The following KLHL32 variants were observed in gnomAD, a reference collection of about 807,000 sequenced individuals.
KLHL32 encodes kelch-like protein 32.
KLHL32 carries 35 observed loss-of-function variants against 64.8 expected under a neutral mutation model. The observed-to-expected ratio is 0.54, with a 90% CI of 0.41 to 0.72. The LOEUF is 0.72. Among genes scored for constraint, KLHL32 ranks in the 30% least tolerant of loss-of-function variants. KLHL32 has a pLI of 0.00. For synonymous variants in KLHL32, 259 were observed against 281.0 expected (o/e 0.92, Z 0.78); for missense variants, 589 against 768.5 (o/e 0.77, Z 2.76).
chr6:96,960,104 A>G (rs1417037768), intron 1 of KLHL32, among the ~76,000 whole-genome samples: 1 of 152,196 alleles, frequency 6.6e-6, no homozygotes, highest in African/African-American at 2.4e-5. Flanking sequence ...TAGGGGTAGT[A>G]AATAAGCTAG....
intron 3 of KLHL32, among the ~76,000 whole-genome samples, chr6:97,019,781 A>G (rs1467652100): frequency 6.6e-6 from 1 of 150,974 alleles, no homozygotes; most frequent in East Asian, 1.9e-4. Flanking sequence ...AAAAATTTTT[A>G]TACTATTTTC....
intron 6 of KLHL32, among the ~76,000 whole-genome samples, chr6:97,096,893 A>T (rs142465688): frequency 6.6e-6 from 1 of 152,344 alleles, no homozygotes; most frequent in African/African-American, 2.4e-5. Context: ...TCTTCTCATC[A>T]TTTAACAGCA....
intron 2 of KLHL32, among the ~76,000 whole-genome samples, chr6:96,973,782 G>A (rs1775390229): frequency 1.4e-5 from 2 of 138,540 alleles, no homozygotes; most frequent in South Asian, 4.7e-4. Context: ...GAGTGCAGTG[G>A]CATGATCTCA....
At chr6:96,985,314 T>C (rs150616274) in intron 3 of KLHL32, among the ~76,000 whole-genome samples, 10,182 of 152,274 alleles carry the variant, frequency 0.067, 350 homozygotes, top group South Asian at 0.12. Context: ...ATTTTTTCCT[T>C]CATTTCAGCT....
intron 3 of KLHL32, among the ~76,000 whole-genome samples, chr6:97,009,836 A>G (rs1309085510): frequency 2.0e-5 from 3 of 152,160 alleles, no homozygotes; most frequent in Admixed American, 1.3e-4. Flanking sequence ...TAAAAAATGT[A>G]TGTGGAGATT....
At chr6:97,041,775 T>C (rs1785156986) in intron 4 of KLHL32, among the ~76,000 whole-genome samples, 176 bp downstream of exon 4, 1 of 152,228 alleles carries the variant, frequency 6.6e-6, no homozygotes. Flanking sequence ...AGTAAAGCAA[T>C]TTGATTTTTT....
chr6:96,942,563 G>T (rs183959014), intron 1 of KLHL32, among the ~76,000 whole-genome samples: 6,564 of 152,084 alleles, frequency 0.043, 185 homozygotes, highest in South Asian at 0.074. Flanking sequence ...ATGTCTTGAA[G>T]TGTTAAGGCT....
chr6:96,979,469 G>A (rs976789574), intron 3 of KLHL32, among the ~76,000 whole-genome samples: 2 of 151,954 alleles, frequency 1.3e-5, no homozygotes, highest in Admixed American at 6.5e-5. Flanking sequence ...TTTATTTCTG[G>A]GCTCTCTATT....
intron 5 of KLHL32, among the ~76,000 whole-genome samples, chr6:97,070,404 G>A (rs1397035021): frequency 6.6e-6 from 1 of 152,078 alleles, no homozygotes; most frequent in Non-Finnish European, 1.5e-5. Flanking sequence ...TTCATATTTG[G>A]CTTTGAAATG....
the KLHL32 span, among the ~76,000 whole-genome samples, chr6:96,908,737 A>T: frequency 6.6e-6 from 1 of 151,140 alleles, no homozygotes; most frequent in East Asian, 2.0e-4. Flanking sequence ...CACTGTCCGC[A>T]CCCCCCTCCC....
At chr6:96,985,222 A>G (rs1776865702) in intron 3 of KLHL32, among the ~76,000 whole-genome samples, 2 of 152,126 alleles carry the variant, frequency 1.3e-5, no homozygotes, top group Admixed American at 6.6e-5. Flanking sequence ...TGGCTTGTAG[A>G]GTTTCTGCCA....
At chr6:96,979,741 T>G (rs571373311) in intron 3 of KLHL32, among the ~76,000 whole-genome samples, 1 of 152,350 alleles carries the variant, frequency 6.6e-6, no homozygotes, top group Non-Finnish European at 1.5e-5. Flanking sequence ...ATGTGTACAT[T>G]GCTTTAGGCA....
chr6:96,970,961 T>G (rs894361836), intron 2 of KLHL32, among the ~76,000 whole-genome samples: 2 of 152,186 alleles, frequency 1.3e-5, no homozygotes, highest in Non-Finnish European at 2.9e-5. Context: ...TTAAGTGATT[T>G]AAGATGCTCA....
intron 2 of KLHL32, among the ~76,000 whole-genome samples, chr6:96,973,827 A>G (rs1297715572): frequency 6.7e-6 from 1 of 149,136 alleles, no homozygotes; most frequent in African/African-American, 2.5e-5. Flanking sequence ...GGTTCAAGCA[A>G]TTCTCCTGCC....
chr6:96,969,433 C>G (rs1470111683), intron 2 of KLHL32, among the ~76,000 whole-genome samples: 1 of 152,180 alleles, frequency 6.6e-6, no homozygotes, highest in Non-Finnish European at 1.5e-5. Flanking sequence ...AGTTTAGATT[C>G]TATCACTGTT....
chr6:97,134,215 A>ATGAGAGAAAATTAATAAAC (rs1799749396), intron 10 of KLHL32, among the ~76,000 whole-genome samples: 2 of 152,198 alleles, frequency 1.3e-5, no homozygotes, highest in Admixed American at 1.3e-4. Context: ...GATGATAAAG[A>ATGAGAGAAAATTAATAAAC]TGAGAGAAAA....
intron 5 of KLHL32, 51 bp downstream of exon 5, chr6:97,064,777 A>C (rs760207424): frequency 6.9e-7 from 1 of 1,444,012 alleles, no homozygotes; most frequent in South Asian, 1.2e-5. Flanking sequence ...CTTTCCCCAC[A>C]GTCATAAGCT....
chr6:97,085,750 T>C lies in KLHL32; in HGVS notation c.627+409T>C, dbSNP rs1793316418. ...AAATTTGGGCCTTTGCTGTAAACAA[T>C]TCAGAAACATTTCTTTGTTGCAATA... On this transcript the variant is annotated intron_variant, in intron 6 of 10. Coordinates refer to ENST00000369261, the MANE Select transcript of KLHL32 (RefSeq NM_052904.4). Among the ~76,000 whole-genome samples the C allele has an allele frequency of 2.0e-5, 3 of 152,212 alleles. No individual in the cohort carries two copies. The South Asian group carries it at 6.2e-4, about 31-fold the overall frequency.
intron 8 of KLHL32, 52 bp downstream of exon 8, chr6:97,127,514 A>G (rs755170733): frequency 1.4e-6 from 2 of 1,415,638 alleles, no homozygotes; most frequent in Non-Finnish European, 2.0e-6. Context: ...ATTTTAAAAG[A>G]TTCCAGAGTA....
Sources: gnomAD v4.1 joint callset for allele counts (sites outside exome capture counted in the v4.1 genomes callset) on GRCh38, gnomAD v4.1.1 for gene constraint, MANE v1.5 for transcripts, NCBI Gene and HGNC (gene_info 2026-07-23, HGNC 2026-07-21) for gene names.